Variants in MFGE8 observed in about 807,000 individuals in gnomAD.
MFGE8 encodes lactadherin.
MFGE8 carries 34 observed loss-of-function variants against 42.6 expected under a neutral mutation model. The observed-to-expected ratio is 0.80, with a 90% CI of 0.61 to 1.06. The LOEUF is 1.06. Ranked by LOEUF, MFGE8 falls within the 50% of genes least tolerant of loss-of-function variation. The pLI, the probability that MFGE8 is intolerant of heterozygous loss-of-function variation, is 0.00. For synonymous variants in MFGE8, 230 were observed against 214.8 expected, an observed-to-expected ratio of 1.07 and a Z score of -0.62; for missense variants, 510 against 516.9, an observed-to-expected ratio of 0.99 and a Z score of 0.13.
In MFGE8 at chr15:88,903,526, C is replaced by T. The variant is rs1461616009; in HGVS notation, c.686-1791G>A. Reference sequence around the variant, plus strand: ...TGAGACACAGTCTCGCTCTGTCACCCAGGCTGGAGTGCAGTGGCATGATCT... The same window carrying T: ...TGAGACACAGTCTCGCTCTGTCACCTAGGCTGGAGTGCAGTGGCATGATCT... On this transcript the variant is annotated intron_variant, in intron 5 of 7. Coordinates refer to ENST00000268150, the MANE Select transcript of MFGE8 (RefSeq NM_005928.4). This position sits in a 1 kb window ranked among gnomAD's most constrained non-coding sequence, Gnocchi z 4.9. 6.6e-6 allele frequency: 1 copy of T among 152,256 alleles called. No individual in the cohort carries two copies. 9.4% of individuals were successfully genotyped at this position (152,256 alleles called of 1,614,324 possible). A position where few individuals can be genotyped will look rare whatever the true frequency, so the allele number is the denominator to read the frequency against.
Position 88,901,151 on chromosome 15 carries a change from TCACA to T in MFGE8, c.870+396_870+399del, listed in dbSNP as rs1183345179. On this transcript the variant is annotated intron_variant, in intron 6 of 7. Coordinates refer to ENST00000268150, the MANE Select transcript of MFGE8 (RefSeq NM_005928.4). The stretch of plus-strand genomic sequence containing the variant: ...CACACACACATTCACACACACATTC[TCACA>T]CACACATTCACACACATTCTCACAC... Among the ~76,000 whole-genome samples, 17 of 40,250 alleles carry T rather than the reference TCACA, an allele frequency of 4.2e-4. 2 individuals carry two copies. The highest frequency in any genetic ancestry group is 1.0e-3 in the African/African-American group (14 of 14,008). The allele number at this position is 40,250 out of a possible 152,430, so 26.4% of individuals were successfully genotyped here. A position where few individuals can be genotyped will look rare whatever the true frequency, so the allele number is the denominator to read the frequency against.
At position 88,906,124 on chromosome 15, in the gene MFGE8, C is replaced by G; in HGVS notation, c.541-223G>C. On this transcript the variant is annotated intron_variant, in intron 4 of 7. Transcript: ENST00000268150. The surrounding 1 kb of genome is among the most constrained non-coding windows in gnomAD (Gnocchi z 4.2). ...TCACTTTCCTTAATCATCATGGAGC[C>G]TGGGCATAAACCCCTATAGCTGACA... 1.6e-6 allele frequency: 1 copy of G among 607,172 alleles called. No homozygotes were observed. The highest frequency in any genetic ancestry group is 1.9e-5 in the South Asian group (1 of 51,990). The allele number at this position is 607,172 out of a possible 1,614,324, so 37.6% of individuals were successfully genotyped here.
intron 1 of MFGE8, chr15:88,912,300 G>A (rs1567026134): frequency 7.8e-7 from 1 of 1,280,934 alleles, no homozygotes; most frequent in East Asian, 5.6e-5. Flanking sequence ...AGATCCAGCT[G>A]TCTTTCATGG....
chr15:88,912,399 C>T, intron 1 of MFGE8: 1 of 985,230 alleles, frequency 1.0e-6, no homozygotes, highest in Non-Finnish European at 1.2e-6. Flanking sequence ...GATCACAGGA[C>T]ATAGGGCTGG....
At position 88,899,354 on chromosome 15, in the gene MFGE8, G is replaced by A; in HGVS notation, c.*41C>T. The A allele has an allele frequency of 6.2e-7, 1 of 1,612,468 alleles. No homozygotes were observed. The highest frequency in any genetic ancestry group is 1.7e-4 in the Middle Eastern group (1 of 5,800). On this transcript the variant is annotated 3_prime_UTR_variant, in exon 8 of 8. Transcript: ENST00000268150. This position sits in a 1 kb window ranked among gnomAD's most constrained non-coding sequence, Gnocchi z 6.8. ...GGGCTGAGAAGCCAAGAGGCAGCGG[G>A]CCCATGGAAAGCAGGAAGACCTGGG... is the stretch of plus-strand genomic sequence containing the variant.
chr15:88,904,530 C>A (rs991195245), intron 5 of MFGE8: 2 of 152,298 alleles, frequency 1.3e-5, no homozygotes, highest in Non-Finnish European at 2.9e-5. Flanking sequence ...ATACAGGCAA[C>A]TTTAATGGCC....
At chr15:88,912,995 G>A in intron 1 of MFGE8, 1 of 985,460 alleles carries the variant, frequency 1.0e-6, no homozygotes, top group South Asian at 4.7e-5. Context: ...TCTGTAAGCC[G>A]CATCCCTGGG....
intron 2 of MFGE8, 142 bp downstream of exon 2, chr15:88,909,650 G>A (rs939883641): frequency 8.3e-7 from 1 of 1,199,454 alleles, no homozygotes; most frequent in Non-Finnish European, 1.2e-6. Flanking sequence ...CTCTCTCTGA[G>A]TCTCCCCAGA....
intron 6 of MFGE8, among the ~76,000 whole-genome samples, chr15:88,901,080 C>A (rs1898354893): frequency 1.1e-5 from 1 of 88,594 alleles, no homozygotes; most frequent in African/African-American, 3.5e-5. Flanking sequence ...CATTCACATA[C>A]ACATTCACAC....
At position 88,899,606 on chromosome 15, in the gene MFGE8, G is replaced by A. The variant is rs758170231; in HGVS notation, c.1026+50C>T. On this transcript the variant is annotated intron_variant, in intron 7 of 7. Coordinates refer to ENST00000268150, the MANE Select transcript of MFGE8 (RefSeq NM_005928.4). The surrounding 1 kb of genome is among the most constrained non-coding windows in gnomAD (Gnocchi z 6.8). ...CTCAGAGCCCCAGGCCAGACTCCCA[G>A]GGAAGTAATGAAGGAATGGCAAAGG... 5 of 1,614,162 alleles carry A rather than the reference G, an allele frequency of 3.1e-6. No homozygotes were observed. The highest frequency in any genetic ancestry group is 1.6e-4 in the Middle Eastern group (1 of 6,062).
At chr15:88,900,259 A>T (rs989122984) in intron 6 of MFGE8, among the ~76,000 whole-genome samples, 1 of 151,582 alleles carries the variant, frequency 6.6e-6, no homozygotes, top group Admixed American at 6.6e-5. Flanking sequence ...AAAAAAAAAA[A>T]AGCGGTGAGG....
chr15:88,909,895 G>A lies in MFGE8; in HGVS notation c.102C>T (p.Asn34=), dbSNP rs199619518. The change falls in exon 2 of 8, where the codon AAC becomes AAT. Residue 34 remains asparagine, a synonymous_variant. Transcript: ENST00000268150. ...LDICSKNPCH[N]GGLCEEISQE... ...GGGAAATCTCCTCGCATAAACCACC[G>A]TTGTGGCAGGGGTTTTTGGAACAGA... 72 of 1,614,194 alleles carry A rather than the reference G, an allele frequency of 4.5e-5. No homozygotes were observed. The highest frequency in any genetic ancestry group is 2.1e-4 in the South Asian group (19 of 91,088).
chr15:88,911,324 G>A (rs993875802), intron 1 of MFGE8, among the ~76,000 whole-genome samples: 1 of 152,162 alleles, frequency 6.6e-6, no homozygotes, highest in South Asian at 2.1e-4. Flanking sequence ...TGACTCTGGT[G>A]GGTCGGCCGG....
At chr15:88,910,981 A>G (rs1160675476) in intron 1 of MFGE8, 1 of 152,238 alleles carries the variant, frequency 6.6e-6, no homozygotes, top group Non-Finnish European at 1.5e-5. Flanking sequence ...GTCAGTTCCA[A>G]TTGCGGGATG....
rs147333323 is a variant in MFGE8 at position 88,901,208 on chromosome 15, C to CAT, written c.870+342_870+343insAT. On this transcript the variant is annotated intron_variant, in intron 6 of 7. Transcript: ENST00000268150. The stretch of plus-strand genomic sequence containing the variant: ...TCACACACACATTCACACATTCACA[C>CAT]ACACACATTCACACATACACATTCA... 4.6e-5 allele frequency among the ~76,000 whole-genome samples: 4 copies of CAT among 86,040 alleles called. 1 individual carries two copies. Among genetic ancestry groups the CAT allele is most frequent in the Admixed American group, 4.0e-4 (3 of 7,516 alleles). 56.4% of individuals were successfully genotyped at this position (86,040 alleles called of 152,430 possible).
chr15:88,908,953 A>C (rs1459230582), intron 2 of MFGE8, among the ~76,000 whole-genome samples: 1 of 152,030 alleles, frequency 6.6e-6, no homozygotes, highest in Non-Finnish European at 1.5e-5. Context: ...CATCTCCCTG[A>C]GGAGGGCAAG....
At chr15:88,907,557 G>A (rs552347471) in intron 2 of MFGE8, among the ~76,000 whole-genome samples, 181 bp from the exon 3 acceptor site, 2 of 152,284 alleles carry the variant, frequency 1.3e-5, no homozygotes, top group African/African-American at 4.8e-5. Flanking sequence ...TGCCCAGGAC[G>A]AGGTGCCAAG....
chr15:88,906,087 A>G lies in MFGE8; in HGVS notation c.541-186T>C. 1.5e-6 allele frequency: 1 copy of G among 658,302 alleles called. No homozygotes were observed. The highest frequency in any genetic ancestry group is 2.7e-6 in the Non-Finnish European group (1 of 376,514). 40.8% of individuals were successfully genotyped at this position (658,302 alleles called of 1,614,324 possible). On this transcript the variant is annotated intron_variant, in intron 4 of 7. Coordinates refer to ENST00000268150, the MANE Select transcript of MFGE8 (RefSeq NM_005928.4). This position sits in a 1 kb window ranked among gnomAD's most constrained non-coding sequence, Gnocchi z 4.2. ...TTTGGCCACCCCACGGCCCTCCACA[A>G]AGATTCTCCTCTCACTTTCCTTAAT...
Position 88,913,351 on chromosome 15 carries a change from G to C in MFGE8, c.-32C>G, listed in dbSNP as rs886640684. The C allele has an allele frequency of 7.1e-6, 10 of 1,407,852 alleles. No individual in the cohort carries two copies. The African/African-American group carries it at 1.4e-4, about 19-fold the overall frequency. 87.2% of individuals were successfully genotyped at this position (1,407,852 alleles called of 1,614,324 possible). A position where few individuals can be genotyped will look rare whatever the true frequency, so the allele number is the denominator to read the frequency against. Reference sequence around the variant, plus strand: ...GGGACGCGGGCGCTGGAATGGGCACGCTGGGCTGCTCAGACCCCGCGGGGT... The same window carrying C: ...GGGACGCGGGCGCTGGAATGGGCACCCTGGGCTGCTCAGACCCCGCGGGGT... On this transcript the variant is annotated 5_prime_UTR_variant, in exon 1 of 8. Coordinates refer to ENST00000268150, the MANE Select transcript of MFGE8 (RefSeq NM_005928.4).
Sources: gnomAD v4.1 joint callset for allele counts (sites outside exome capture counted in the v4.1 genomes callset) on GRCh38, gnomAD v4.1.1 for gene constraint, Gnocchi (gnomAD v3.1) non-coding constraint, MANE v1.5 for transcripts, NCBI Gene and HGNC (gene_info 2026-07-23, HGNC 2026-07-21) for gene names.